ANKRD36: variants seen among roughly 807,000 people sequenced by gnomAD.
ANKRD36 encodes the protein ankyrin repeat domain 36, also known as ankyrin repeat domain-containing protein 36A.
In ANKRD36, 179 loss-of-function variants were observed where a neutral mutation model predicts 278.1. That is an observed-to-expected ratio of 0.64 (90% CI 0.57 to 0.73). The LOEUF (loss-of-function observed/expected upper bound fraction) is 0.73, where lower values mean the gene tolerates loss of function less well. ANKRD36 is among the 30% of genes least tolerant of loss of function. The probability of loss-of-function intolerance (pLI) is 0.00; values close to 1 mark genes in which losing one functional copy is unlikely to be tolerated. For synonymous variants in ANKRD36, 320 were observed against 641.1 expected (o/e 0.50, Z 7.57); for missense variants, 1,159 against 1,956.7 (o/e 0.59, Z 7.69).
chr2:97,172,005 G>A (rs201270162), intron 22 of ANKRD36, among the ~76,000 whole-genome samples: 5,746 of 89,662 alleles, frequency 0.064, no homozygotes, highest in Non-Finnish European at 0.07. Flanking sequence ...GAAAGTAAGT[G>A]GTCATGCTTT....
intron 34 of ANKRD36, among the ~76,000 whole-genome samples, chr2:97,190,148 G>T (rs2058191757): frequency 1.1e-5 from 1 of 90,250 alleles, no homozygotes; most frequent in South Asian, 2.5e-4. Flanking sequence ...CAAAAATTAT[G>T]TTGAATTCTA....
chr2:97,149,486 AG>A (rs2045322133), intron 12 of ANKRD36, 125 bp downstream of exon 12: 2 of 769,896 alleles, frequency 2.6e-6, no homozygotes, highest in Admixed American at 3.7e-5. Context: ...CTTTTATTAG[AG>A]ATAACCATTT....
At chr2:97,147,911 G>A (rs1041581789) in intron 11 of ANKRD36, among the ~76,000 whole-genome samples, 4 of 151,950 alleles carry the variant, frequency 2.6e-5, no homozygotes, top group South Asian at 2.1e-4. Context: ...AGAATATGGC[G>A]TTCAAGGAGT....
intron 10 of ANKRD36, among the ~76,000 whole-genome samples, chr2:97,145,057 C>G (rs1414706930): frequency 1.3e-5 from 2 of 151,898 alleles, no homozygotes; most frequent in Admixed American, 1.3e-4. Flanking sequence ...AAATTATAGG[C>G]GCCTGATCAC....
chr2:97,142,593 T>C (rs781227646), intron 6 of ANKRD36, 47 bp from the exon 7 acceptor site: 3 of 1,604,522 alleles, frequency 1.9e-6, no homozygotes, highest in South Asian at 2.2e-5. Context: ...ATGGATAATT[T>C]TATCATATTT....
intron 35 of ANKRD36, 34 bp from the exon 36 acceptor site, chr2:97,191,075 A>T (rs1336540878): frequency 3.1e-6 from 5 of 1,591,552 alleles, no homozygotes; most frequent in Non-Finnish European, 4.3e-6. Flanking sequence ...TCATTGATTT[A>T]TTTATTTATT....
intron 67 of ANKRD36, among the ~76,000 whole-genome samples, chr2:97,229,916 T>C (rs1409875235): frequency 2.6e-5 from 4 of 152,082 alleles, no homozygotes; most frequent in Admixed American, 2.0e-4. Flanking sequence ...TGGCAGGATA[T>C]GAAATTCTGG....
intron 58 of ANKRD36, among the ~76,000 whole-genome samples, chr2:97,212,091 A>C (rs1199887407): frequency 6.6e-6 from 1 of 151,898 alleles, no homozygotes; most frequent in East Asian, 2.0e-4. Context: ...TAGAGGCGTC[A>C]GATTGTATTG....
chr2:97,187,443 T>A, intron 32 of ANKRD36, 42 bp downstream of exon 32: 2 of 1,027,558 alleles, frequency 1.9e-6, no homozygotes, highest in Non-Finnish European at 2.4e-6. Flanking sequence ...TCAATCCAGA[T>A]AGAAAAGAAC....
At chr2:97,194,813 T>G (rs748114928) in intron 39 of ANKRD36, 32 bp from the exon 40 acceptor site, 1 of 1,601,584 alleles carries the variant, frequency 6.2e-7, no homozygotes, top group Non-Finnish European at 8.5e-7. Flanking sequence ...GAAACATACC[T>G]TATTTATTAT....
At chr2:97,139,754 A>C (rs2923978) in intron 6 of ANKRD36, among the ~76,000 whole-genome samples, 6,715 of 101,356 alleles carry the variant, frequency 0.066, no homozygotes, top group South Asian at 0.087. Flanking sequence ...TAAAGCATGT[A>C]TTTTTGACAT....
At chr2:97,122,802 C>T (rs2037255055) in intron 3 of ANKRD36, 85 bp from the exon 4 acceptor site, 3 of 1,290,280 alleles carry the variant, frequency 2.3e-6, no homozygotes, top group Non-Finnish European at 2.1e-6. Context: ...TATTGAAGCT[C>T]ACAGGATCTT....
chr2:97,188,267 T>G (rs2057844436), intron 32 of ANKRD36, among the ~76,000 whole-genome samples: 1 of 151,746 alleles, frequency 6.6e-6, no homozygotes, highest in Non-Finnish European at 1.5e-5. Flanking sequence ...TGTTGAATTC[T>G]AATTAACTCC....
chr2:97,155,240 A>G (rs376879956), intron 15 of ANKRD36, among the ~76,000 whole-genome samples: 2 of 142,814 alleles, frequency 1.4e-5, no homozygotes, highest in South Asian at 2.2e-4. Context: ...AACATCATAC[A>G]GTATTTTTGC....
intron 75 of ANKRD36, among the ~76,000 whole-genome samples, chr2:97,256,270 T>G (rs1176810863): frequency 6.7e-6 from 1 of 149,772 alleles, no homozygotes; most frequent in African/African-American, 2.4e-5. Flanking sequence ...GGTAGGAGAA[T>G]TGCTTGAACC....
rs1438691830 is a variant in ANKRD36 at position 97,209,873 on chromosome 2, G to A, written c.3367+1G>A. 1 of 1,575,510 alleles carries A rather than the reference G, an allele frequency of 6.3e-7. No individual in the cohort carries two copies. The highest frequency in any genetic ancestry group is 1.2e-5 in the South Asian group (1 of 86,292). The stretch of plus-strand genomic sequence containing the variant: ...AAGGATGGAGAAAAATCTAGGACAG[G>A]TAATTTTGAAAACAGATTTAATGTC... On this transcript the variant is annotated splice_donor_variant, in intron 56 of 75. Coordinates refer to ENST00000420699, the MANE Select transcript of ANKRD36 (RefSeq NM_001354587.1). LOFTEE classifies it high-confidence loss of function.
intron 50 of ANKRD36, among the ~76,000 whole-genome samples, chr2:97,205,561 G>C (rs1427186813): frequency 6.6e-6 from 1 of 151,516 alleles, no homozygotes; most frequent in Non-Finnish European, 1.5e-5. Flanking sequence ...TTGATTTGTT[G>C]TGTGAAAGAC....
intron 4 of ANKRD36, among the ~76,000 whole-genome samples, chr2:97,123,781 A>G (rs2037646570): frequency 6.8e-6 from 1 of 146,980 alleles, no homozygotes; most frequent in East Asian, 1.9e-4. Flanking sequence ...TATATAATAT[A>G]TACAATATAT....
intron 10 of ANKRD36, 92 bp downstream of exon 10, chr2:97,144,804 C>T (rs915196314): frequency 6.8e-5 from 98 of 1,439,484 alleles, no homozygotes; most frequent in African/African-American, 2.3e-4. Flanking sequence ...ATTGAAGCTG[C>T]GCATTCTGAT....
Sources: allele counts gnomAD v4.1 joint callset (sites outside exome capture counted in the v4.1 genomes callset), GRCh38; gene constraint gnomAD v4.1.1; transcripts MANE v1.5; gene names NCBI Gene and HGNC (gene_info 2026-07-23, HGNC 2026-07-21).